Variants in RNF213 observed in about 807,000 individuals in gnomAD.
RNF213 encodes E3 ubiquitin-protein ligase RNF213.
RNF213 carries 341 observed loss-of-function variants against 514.4 expected under a neutral mutation model. The observed-to-expected ratio is 0.66, with a 90% confidence interval of 0.61 to 0.73. The LOEUF (loss-of-function observed/expected upper bound fraction) is 0.73. RNF213 is among the 30% of genes least tolerant of loss of function. The pLI is 0.00. For synonymous variants in RNF213, 2,655 were observed against 2,658.2 expected (o/e 1.00, Z 0.04); for missense variants, 5,767 against 6,615.6 (o/e 0.87, Z 4.45).
At position 80,367,730 on chromosome 17, in the gene RNF213, G is replaced by A. The variant is rs1568142570; in HGVS notation, c.11872-18G>A. On this transcript the variant is annotated intron_variant, in intron 42 of 67. Transcript: ENST00000582970. ...GCCCTCCCCCCTGCTAATGACTCCT[G>A]TCCCTGCCTTTCTTCAGTGTCTTCG... 1 of 1,610,624 alleles carries A rather than the reference G, an allele frequency of 6.2e-7. No homozygotes were observed. Among genetic ancestry groups the A allele is most frequent in the Non-Finnish European group, 8.5e-7 (1 of 1,177,186 alleles).
At chr17:80,350,240 A>C in intron 30 of RNF213, 61 bp from the exon 31 acceptor site, 1 of 1,069,386 alleles carries the variant, frequency 9.4e-7, no homozygotes, top group Non-Finnish European at 1.4e-6. Context: ...ACTTTGGGGA[A>C]TTTTCTTTTC....
chr17:80,349,921 C>T lies in RNF213; in HGVS notation c.10088+15C>T. The T allele has an allele frequency of 6.2e-7, 1 of 1,612,670 alleles. No individual in the cohort carries two copies. The highest frequency in any genetic ancestry group is 8.5e-7 in the Non-Finnish European group (1 of 1,179,790). ...AAAGAAGTCCGGTGAGGTTCCCTGC[C>T]TTCCCTGCTGCCCTCTCCCTCCCCA... On this transcript the variant is annotated intron_variant, in intron 30 of 67. Coordinates refer to ENST00000582970, the MANE Select transcript of RNF213 (RefSeq NM_001256071.3).
intron 22 of RNF213, among the ~76,000 whole-genome samples, chr17:80,334,816 CG>C (rs1410284477): frequency 6.7e-6 from 1 of 149,436 alleles, no homozygotes; most frequent in Non-Finnish European, 1.5e-5. Flanking sequence ...TTAGTAGAGA[CG>C]GGGTTTCACT....
intron 11 of RNF213, among the ~76,000 whole-genome samples, chr17:80,302,795 G>A (rs187255859): frequency 3.3e-5 from 5 of 152,294 alleles, no homozygotes; most frequent in Admixed American, 3.3e-4. Context: ...GGGAGGTCAA[G>A]GCTGCAGTGG....
chr17:80,348,317 C>T, intron 29 of RNF213, 31 bp downstream of exon 29: 1 of 1,604,828 alleles, frequency 6.2e-7, no homozygotes, highest in Non-Finnish European at 8.5e-7. Flanking sequence ...GTACCCTATC[C>T]CCTGTCACCC....
At position 80,347,707 on chromosome 17, in the gene RNF213, C is replaced by T. The variant is rs147834926; in HGVS notation, c.9372C>T (p.Gly3124=). 9.7e-4 allele frequency: 1,564 copies of T among 1,613,936 alleles called. 1 individual carries two copies. Among genetic ancestry groups the T allele is most frequent in the Non-Finnish European group, 1.2e-3 (1,381 of 1,179,856 alleles). The change falls in exon 29 of 68, where the codon GGC becomes GGT. Residue 3124 remains glycine (G), a synonymous_variant. Transcript: ENST00000582970. The surrounding 1 kb of genome is among the most constrained non-coding windows in gnomAD (Gnocchi z 7.2). ...DALNQYYVHL[G]GQKYVDLGLG... is the part of the protein sequence containing the mutation. ...TCAACCAGTACTACGTCCACCTCGG[C>T]GGCCAGAAGTACGTGGACCTCGGTC... is the stretch of plus-strand genomic sequence containing the variant.
intron 37 of RNF213, among the ~76,000 whole-genome samples, chr17:80,359,722 ACT>A (rs1038965079): frequency 1.3e-5 from 2 of 152,018 alleles, no homozygotes; most frequent in Non-Finnish European, 2.9e-5. Flanking sequence ...TGAAGCAAAG[ACT>A]CTAACAAGTT....
Position 80,346,159 on chromosome 17 carries a change from T to A in RNF213, c.7824T>A (p.Asp2608Glu). The A allele has an allele frequency of 6.2e-7, 1 of 1,614,178 alleles. No individual in the cohort carries two copies. ...GACTGGTTGAGTCCATCAGCCTAGA[T>A]GAAAACGGGACTCGCGTGATCACAG... ...VQRLVESISL[D>E]ENGTRVITEV... The change falls in exon 29 of 68, where the codon GAT becomes GAA. Residue 2608 changes from aspartate to glutamate, a missense_variant. Physicochemically the swap from Asp to Glu is conservative, Grantham distance 45. Coordinates refer to ENST00000582970, the MANE Select transcript of RNF213 (RefSeq NM_001256071.3). The surrounding 1 kb of genome is among the most constrained non-coding windows in gnomAD (Gnocchi z 8.1).
Position 80,330,605 on chromosome 17 carries a change from CT to C in RNF213, c.3518-1400del, listed in dbSNP as rs112173371. On this transcript the variant is annotated intron_variant, in intron 20 of 67. Coordinates refer to ENST00000582970, the MANE Select transcript of RNF213 (RefSeq NM_001256071.3). ...GTTTCACACCCCATCCTCCTTCCCC[CT>C]GAGATTGGATAATTCATGTCTTCTG... 1.8e-3 allele frequency among the ~76,000 whole-genome samples: 273 copies of C among 152,368 alleles called. 2 individuals carry two copies. Among genetic ancestry groups the C allele is most frequent in the African/African-American group, 6.1e-3 (254 of 41,590 alleles).
At chr17:80,356,684 C>T (rs1182449968) in intron 36 of RNF213, among the ~76,000 whole-genome samples, 2 of 152,264 alleles carry the variant, frequency 1.3e-5, no homozygotes, top group Non-Finnish European at 2.9e-5. Flanking sequence ...CGGCGGCTCC[C>T]GCCTCTCCCA....
At chr17:80,361,524 CA>C (rs1052089537) in intron 38 of RNF213, among the ~76,000 whole-genome samples, 1 of 151,288 alleles carries the variant, frequency 6.6e-6, no homozygotes, top group Non-Finnish European at 1.5e-5. Context: ...ACTCCATCTC[CA>C]AAAAAAAGGA....
chr17:80,345,690 A>C lies in RNF213; in HGVS notation c.7355A>C (p.His2452Pro). ...NADTIKLVKV[H>P]GGTTADMIYS... Reference sequence around the variant, plus strand: ...GACACCATAAAGCTGGTCAAGGTGCACGGAGGAACAACTGCAGACATGATC... The same window carrying C: ...GACACCATAAAGCTGGTCAAGGTGCCCGGAGGAACAACTGCAGACATGATC... The change falls in exon 29 of 68, where the codon CAC (histidine) becomes CCC (proline). Residue 2452 changes from histidine to proline, a missense_variant. His to Pro is a moderately conservative substitution (Grantham distance 77). Around this residue, in one of 13 missense-constraint regions of RNF213, gnomAD observed 1,377 missense variants for 1,635.2 expected, o/e 0.84. Transcript: ENST00000582970. This position sits in a 1 kb window ranked among gnomAD's most constrained non-coding sequence, Gnocchi z 6.0. 1 of 1,614,242 alleles carries C rather than the reference A, an allele frequency of 6.2e-7. No homozygotes were observed. Among genetic ancestry groups the C allele is most frequent in the Non-Finnish European group, 8.5e-7 (1 of 1,180,044 alleles).
chr17:80,344,038 G>A (rs376768154), intron 28 of RNF213, 23 bp downstream of exon 28: 62 of 1,608,750 alleles, frequency 3.9e-5, no homozygotes, highest in South Asian at 3.1e-4. Flanking sequence ...GGGCGTTTTC[G>A]CCTGGCGTGG....
intron 36 of RNF213, chr17:80,355,200 A>C (rs1439304684): frequency 2.2e-6 from 1 of 455,978 alleles, no homozygotes; most frequent in Non-Finnish European, 4.4e-6. Context: ...CCATCTCTAA[A>C]AGACAGCGGA....
intron 15 of RNF213, among the ~76,000 whole-genome samples, chr17:80,313,818 ATGGTGGTGG>A (rs1180054816): frequency 5.3e-5 from 2 of 37,652 alleles, no homozygotes; most frequent in Admixed American, 4.7e-4. Flanking sequence ...AATGGAGGTG[ATGGTGGTGG>A]TGGAGGTGAT....
At position 80,317,189 on chromosome 17, in the gene RNF213, T is replaced by C. The variant is rs1242165280; in HGVS notation, c.2813T>C (p.Val938Ala). The C allele has an allele frequency of 3.7e-6, 6 of 1,611,534 alleles. No individual in the cohort carries two copies. The highest frequency in any genetic ancestry group is 5.1e-6 in the Non-Finnish European group (6 of 1,179,522). ...ASFTYVKEIEVWRRLVEIQFP... is the reference protein window; with the variant it reads ...ASFTYVKEIEAWRRLVEIQFP... ...GTGACCTGTGTGCGGGTTTTGCAGG[T>C]CTGGAGGCGGCTGGTGGAAATCCAA... Residue 938 changes from valine to alanine, a missense_variant and splice_region_variant, in exon 16 of 68, where the codon GTC becomes GCC. Transcript: ENST00000582970. This position sits in a 1 kb window ranked among gnomAD's most constrained non-coding sequence, Gnocchi z 4.1.
rs2078085812 is a variant in RNF213, at chr17:80,339,483, G to T, written c.5116G>T (p.Ala1706Ser). The stretch of plus-strand genomic sequence containing the variant: ...GCACTTTTACCTGAACTTCTACACG[G>T]CAGAGCAGCTGGTTTACCTGAGCAC... The part of the protein sequence containing the change: ...MEHFYLNFYT[A>S]EQLVYLSTEL... The change falls in exon 26 of 68, where the codon GCA becomes TCA. Residue 1706 changes from alanine to serine, a missense_variant. Around this residue, in one of 13 missense-constraint regions of RNF213, gnomAD observed 1,377 missense variants for 1,635.2 expected, o/e 0.84. Transcript: ENST00000582970. The T allele has an allele frequency of 6.5e-7, 1 of 1,537,136 alleles. No homozygotes were observed. Among genetic ancestry groups the T allele is most frequent in the African/African-American group, 1.4e-5 (1 of 73,042 alleles).
intron 22 of RNF213, among the ~76,000 whole-genome samples, chr17:80,335,180 C>T (rs932353476): frequency 2.0e-5 from 3 of 152,162 alleles, no homozygotes; most frequent in Non-Finnish European, 2.9e-5. Context: ...ATCTCAGCCT[C>T]CCAAAGTGCA....
intron 39 of RNF213, 54 bp downstream of exon 39, chr17:80,361,942 C>T (rs1482929245): frequency 3.8e-6 from 6 of 1,576,090 alleles, no homozygotes; most frequent in Non-Finnish European, 4.3e-6. Context: ...ATGATGGGGA[C>T]TGGATGCAGA....
Sources: gnomAD v4.1 joint callset for allele counts (sites outside exome capture counted in the v4.1 genomes callset) on GRCh38, gnomAD v4.1.1 for gene constraint, gnomAD v4.1.1 regional missense constraint, Gnocchi (gnomAD v3.1) non-coding constraint, MANE v1.5 for transcripts, NCBI Gene and HGNC (gene_info 2026-07-23, HGNC 2026-07-21) for gene names.